The following SETBP1 variants were observed in gnomAD, a reference collection of about 807,000 sequenced individuals.
SETBP1 encodes the protein SET binding protein 1, also known as SET-binding protein.
A neutral mutation model predicts 101.0 loss-of-function variants in SETBP1; 9 were observed. That is an observed-to-expected ratio of 0.09 (90% CI 0.05 to 0.16). SETBP1 has a LOEUF of 0.16. Ranked by LOEUF, SETBP1 falls within the 10% of genes least tolerant of loss-of-function variation. SETBP1 has a pLI of 1.00. For missense variants in SETBP1, 1,858 were observed against 2,033.8 expected (o/e 0.91, Z 1.66); for synonymous variants, 818 against 788.5 (o/e 1.04, Z -0.63).
chr18:44,712,766 ATGAGAAGTTGAATTCAT>A (rs2144279135), intron 2 of SETBP1, among the ~76,000 whole-genome samples: 1 of 152,152 alleles, frequency 6.6e-6, no homozygotes, highest in African/African-American at 2.4e-5. Flanking sequence ...GGGTCCTCGA[ATGAGAAGTTGAATTCAT>A]TGAGGACACA....
At chr18:44,808,095 T>G (rs2071786109) in intron 2 of SETBP1, among the ~76,000 whole-genome samples, 1 of 152,228 alleles carries the variant, frequency 6.6e-6, no homozygotes, top group African/African-American at 2.4e-5. Context: ...GAGGCTCCTG[T>G]CGTTCCAGTA....
intron 4 of SETBP1, among the ~76,000 whole-genome samples, chr18:44,972,941 C>T (rs983047623): frequency 6.6e-6 from 1 of 152,174 alleles, no homozygotes; most frequent in African/African-American, 2.4e-5. Context: ...GAGAGGGCAT[C>T]CCTGTCTTGT....
chr18:44,850,777 T>A (rs1466345048), intron 2 of SETBP1, among the ~76,000 whole-genome samples: 1 of 152,236 alleles, frequency 6.6e-6, no homozygotes, highest in African/African-American at 2.4e-5. Flanking sequence ...GTTCCCCAAC[T>A]TCTCCTGCTT....
chr18:45,011,931 T>C (rs1231130830), intron 4 of SETBP1, among the ~76,000 whole-genome samples: 3 of 152,214 alleles, frequency 2.0e-5, no homozygotes, highest in Non-Finnish European at 2.9e-5. Context: ...TCGATGATGT[T>C]GTTAGAAACT....
chr18:45,025,730 T>C (rs2073152257), intron 4 of SETBP1, among the ~76,000 whole-genome samples: 1 of 152,242 alleles, frequency 6.6e-6, no homozygotes, highest in Non-Finnish European at 1.5e-5. Context: ...GAATGTATGC[T>C]GAATTGATTT....
intron 3 of SETBP1, among the ~76,000 whole-genome samples, chr18:44,888,220 G>C (rs898893729): frequency 6.6e-5 from 10 of 152,032 alleles, no homozygotes; most frequent in African/African-American, 2.4e-4. Context: ...ACCTCAATTG[G>C]TGAGAAATAG....
chr18:44,682,959 G>C (rs527998824), intron 1 of SETBP1, among the ~76,000 whole-genome samples: 4 of 151,762 alleles, frequency 2.6e-5, no homozygotes, highest in Non-Finnish European at 4.4e-5. Flanking sequence ...AAAGGGACTC[G>C]TCTCTCTTAG....
intron 2 of SETBP1, among the ~76,000 whole-genome samples, chr18:44,841,226 C>T (rs1402859774): frequency 1.3e-5 from 2 of 152,106 alleles, no homozygotes; most frequent in South Asian, 2.1e-4. Flanking sequence ...ATCCCCTTTC[C>T]AGGGTGGCTC....
intron 3 of SETBP1, among the ~76,000 whole-genome samples, chr18:44,891,096 A>G (rs1240780047): frequency 2.0e-5 from 3 of 152,162 alleles, no homozygotes; most frequent in Non-Finnish European, 2.9e-5. Flanking sequence ...CACATCTTAC[A>G]TGGATAGCAG....
chr18:44,882,370 T>G (rs948899693), intron 3 of SETBP1, among the ~76,000 whole-genome samples: 2 of 151,994 alleles, frequency 1.3e-5, no homozygotes, highest in African/African-American at 4.8e-5. Flanking sequence ...TATCTATGAC[T>G]GCTGGGGGTG....
At chr18:44,726,577 T>C (rs1430999974) in intron 2 of SETBP1, among the ~76,000 whole-genome samples, 1 of 152,228 alleles carries the variant, frequency 6.6e-6, no homozygotes, top group African/African-American at 2.4e-5. Flanking sequence ...TCAAAGTTCA[T>C]ATTCTTAAAC....
intron 1 of SETBP1, among the ~76,000 whole-genome samples, chr18:44,688,105 A>G (rs568080190): frequency 6.6e-6 from 1 of 152,316 alleles, no homozygotes; most frequent in South Asian, 2.1e-4. Context: ...TAGGAAGAGG[A>G]AGCCTCTTTA....
At chr18:44,742,979 G>A (rs911202432) in intron 2 of SETBP1, among the ~76,000 whole-genome samples, 11 of 72,974 alleles carry the variant, frequency 1.5e-4, no homozygotes, top group East Asian at 1.1e-3. Context: ...CTCCCCCCCT[G>A]TCCCGTTACC....
intron 2 of SETBP1, among the ~76,000 whole-genome samples, chr18:44,762,651 G>A (rs1229509951): frequency 2.6e-5 from 4 of 152,238 alleles, no homozygotes; most frequent in African/African-American, 9.6e-5. Flanking sequence ...GGGAATGTGG[G>A]AGTGGTACCC....
At chr18:44,713,175 T>A (rs1257882514) in intron 2 of SETBP1, among the ~76,000 whole-genome samples, 1 of 151,958 alleles carries the variant, frequency 6.6e-6, no homozygotes, top group Non-Finnish European at 1.5e-5. Flanking sequence ...AGCCGGATGG[T>A]CTCGATCTTC....
chr18:44,910,289 A>C (rs148268841), intron 3 of SETBP1, among the ~76,000 whole-genome samples: 281 of 152,344 alleles, frequency 1.8e-3, no homozygotes, highest in African/African-American at 6.5e-3. Flanking sequence ...AACAGCAATG[A>C]CTGACTCATT....
chr18:44,912,520 G>A (rs572721850), intron 3 of SETBP1, among the ~76,000 whole-genome samples: 5 of 151,942 alleles, frequency 3.3e-5, no homozygotes, highest in South Asian at 4.2e-4. Context: ...TTTTGAGACA[G>A]AGTCTGGCTG....
intron 2 of SETBP1, among the ~76,000 whole-genome samples, chr18:44,769,162 G>T (rs2070822539): frequency 6.6e-6 from 1 of 152,222 alleles, no homozygotes; most frequent in South Asian, 2.1e-4. Flanking sequence ...CATCTACAAT[G>T]AATTCAAGGG....
chr18:44,809,600 G>A (rs1440755116), intron 2 of SETBP1, among the ~76,000 whole-genome samples: 1 of 152,178 alleles, frequency 6.6e-6, no homozygotes, highest in South Asian at 2.1e-4. Flanking sequence ...AAGAGGCTCT[G>A]TCAAGCAATT....
Sources: allele counts gnomAD v4.1 joint callset (sites outside exome capture counted in the v4.1 genomes callset), GRCh38; gene constraint gnomAD v4.1.1; transcripts MANE v1.5; gene names NCBI Gene and HGNC (gene_info 2026-07-23, HGNC 2026-07-21).